PTPRD: variants seen among roughly 807,000 people sequenced by gnomAD.
The protein encoded by PTPRD is receptor-type tyrosine-protein phosphatase delta.
PTPRD carries 34 observed loss-of-function variants against 214.5 expected under a neutral mutation model. The ratio of observed to expected loss-of-function variants is 0.16; its 90% confidence interval spans 0.12 to 0.21. PTPRD has a LOEUF of 0.21. Ranked by LOEUF, PTPRD falls within the 10% of genes least tolerant of loss-of-function variation. The pLI is 1.00. For missense variants in PTPRD, 2,545 were observed against 2,398.7 expected (o/e 1.06, Z -1.27); for synonymous variants, 1,128 against 845.7 (o/e 1.33, Z -5.79).
intron 7 of PTPRD, among the ~76,000 whole-genome samples, chr9:9,656,537 A>G (rs1280273673): frequency 6.6e-6 from 1 of 152,208 alleles, no homozygotes; most frequent in African/African-American, 2.4e-5. Context: ...GATTCCAATT[A>G]CATGAAATTC....
intron 11 of PTPRD, among the ~76,000 whole-genome samples, chr9:8,788,152 A>C (rs1486971679): frequency 1.3e-5 from 2 of 152,140 alleles, no homozygotes; most frequent in African/African-American, 4.8e-5. Flanking sequence ...TGCATTCAAA[A>C]TTCATTTAGG....
chr9:9,892,082 T>G (rs2073523070), intron 5 of PTPRD, among the ~76,000 whole-genome samples: 1 of 152,110 alleles, frequency 6.6e-6, no homozygotes, highest in Non-Finnish European at 1.5e-5. Context: ...ATTCATAAAA[T>G]GAGTATTTAT....
At chr9:10,077,383 C>T (rs2154185594) in intron 3 of PTPRD, among the ~76,000 whole-genome samples, 1 of 152,134 alleles carries the variant, frequency 6.6e-6, no homozygotes, top group East Asian at 1.9e-4. Context: ...TTAAGATTCA[C>T]TTGTGAAGCT....
intron 3 of PTPRD, among the ~76,000 whole-genome samples, chr9:10,157,620 G>T (rs998363207): frequency 1.3e-5 from 2 of 152,114 alleles, no homozygotes; most frequent in African/African-American, 4.8e-5. Context: ...ACTTGGAAAT[G>T]ATCTTCTTGT....
At chr9:10,368,735 G>A (rs931369931) in intron 2 of PTPRD, among the ~76,000 whole-genome samples, 3 of 152,024 alleles carry the variant, frequency 2.0e-5, no homozygotes, top group Non-Finnish European at 4.4e-5. Context: ...AACATATGAT[G>A]ATGTTAATAT....
chr9:10,483,085 T>C (rs976391988), intron 2 of PTPRD, among the ~76,000 whole-genome samples: 3 of 152,070 alleles, frequency 2.0e-5, no homozygotes, highest in African/African-American at 7.2e-5. Flanking sequence ...TGAAAGCAGA[T>C]ACACAGATCA....
At chr9:9,207,688 G>A (rs897916637) in intron 9 of PTPRD, among the ~76,000 whole-genome samples, 1 of 152,116 alleles carries the variant, frequency 6.6e-6, no homozygotes, top group Admixed American at 6.5e-5. Flanking sequence ...CTTTGACCTA[G>A]AAATGCTAAT....
At chr9:9,578,473 C>T (rs1200031585) in intron 7 of PTPRD, among the ~76,000 whole-genome samples, 2 of 151,488 alleles carry the variant, frequency 1.3e-5, no homozygotes, top group African/African-American at 4.9e-5. Context: ...GCAAGGAGTC[C>T]AAAAATTTGG....
intron 8 of PTPRD, among the ~76,000 whole-genome samples, chr9:9,530,579 T>C (rs904152339): frequency 1.3e-5 from 2 of 152,170 alleles, no homozygotes; most frequent in African/African-American, 4.8e-5. Flanking sequence ...GCATCCCATG[T>C]TTATTGCAGC....
At chr9:8,731,517 T>C (rs2098659019) in intron 12 of PTPRD, among the ~76,000 whole-genome samples, 1 of 152,210 alleles carries the variant, frequency 6.6e-6, no homozygotes, top group Admixed American at 6.5e-5. Flanking sequence ...ATAAATCAAA[T>C]TTTTCTGTAG....
At chr9:9,224,698 G>T (rs1035700798) in intron 9 of PTPRD, among the ~76,000 whole-genome samples, 4 of 151,898 alleles carry the variant, frequency 2.6e-5, no homozygotes, top group African/African-American at 9.7e-5. Flanking sequence ...ACTTTTAAAT[G>T]ATATCACACT....
intron 11 of PTPRD, among the ~76,000 whole-genome samples, chr9:8,787,772 T>C (rs777730926): frequency 1.3e-5 from 2 of 152,150 alleles, no homozygotes; most frequent in Non-Finnish European, 2.9e-5. Context: ...GTATGTGTAC[T>C]GACTCTACCC....
At chr9:8,326,746 G>T (rs1298329059) in intron 44 of PTPRD, among the ~76,000 whole-genome samples, 1 of 151,480 alleles carries the variant, frequency 6.6e-6, no homozygotes, top group Non-Finnish European at 1.5e-5. Context: ...CTTGTTATTG[G>T]TCTATGCAGA....
At chr9:8,931,146 T>G (rs918087209) in intron 11 of PTPRD, among the ~76,000 whole-genome samples, 1 of 151,992 alleles carries the variant, frequency 6.6e-6, no homozygotes, top group Non-Finnish European at 1.5e-5. Flanking sequence ...GTATAAGGTG[T>G]AAGGAAGGGA....
intron 4 of PTPRD, among the ~76,000 whole-genome samples, chr9:10,015,632 C>G (rs1042538756): frequency 6.6e-6 from 1 of 152,082 alleles, no homozygotes; most frequent in African/African-American, 2.4e-5. Flanking sequence ...TGTGTACTTA[C>G]TTGCAAAGCC....
intron 2 of PTPRD, among the ~76,000 whole-genome samples, chr9:10,495,657 T>C (rs555815665): frequency 7.2e-4 from 109 of 151,982 alleles, no homozygotes; most frequent in Non-Finnish European, 1.2e-3. Context: ...GAAAATATTC[T>C]AATATATTTA....
intron 11 of PTPRD, among the ~76,000 whole-genome samples, chr9:8,823,557 G>A (rs766823579): frequency 1.3e-5 from 2 of 152,032 alleles, no homozygotes; most frequent in African/African-American, 2.4e-5. Context: ...AGGCTAAGGC[G>A]GGAAGATCAC....
At chr9:10,344,459 G>C (rs1193753145) in intron 2 of PTPRD, among the ~76,000 whole-genome samples, 2 of 152,104 alleles carry the variant, frequency 1.3e-5, no homozygotes, top group African/African-American at 2.4e-5. Flanking sequence ...AAGTCAGGTA[G>C]CATGATGCCT....
At chr9:9,993,288 A>G (rs552439095) in intron 4 of PTPRD, among the ~76,000 whole-genome samples, 3 of 152,334 alleles carry the variant, frequency 2.0e-5, no homozygotes, top group Non-Finnish European at 2.9e-5. Context: ...ATTCTTAGGT[A>G]CATATATTAT....
Sources: allele counts gnomAD v4.1 joint callset (sites outside exome capture counted in the v4.1 genomes callset), GRCh38; gene constraint gnomAD v4.1.1; transcripts MANE v1.5; gene names NCBI Gene and HGNC (gene_info 2026-07-23, HGNC 2026-07-21).